The following PRR16 variants were observed in gnomAD, a reference collection of about 807,000 sequenced individuals.
PRR16 encodes proline rich 16.
PRR16 carries 6 observed loss-of-function variants against 18.2 expected under a neutral mutation model. That is an observed-to-expected ratio of 0.33 (90% CI 0.18 to 0.65). The LOEUF is 0.65. Among genes scored for constraint, PRR16 ranks in the 30% least tolerant of loss-of-function variants. The pLI is 0.74. For missense variants in PRR16, 412 were observed against 376.6 expected (o/e 1.09, Z -0.78); for synonymous variants, 151 against 147.8 (o/e 1.02, Z -0.16).
chr5:120,615,907 G>A (rs1235435118), intron 1 of PRR16, among the ~76,000 whole-genome samples: 2 of 152,072 alleles, frequency 1.3e-5, no homozygotes, highest in Non-Finnish European at 1.5e-5. Context: ...TTCATGTGTG[G>A]ATGAATGATG....
chr5:120,685,535 T>C (rs898976378), intron 1 of PRR16, among the ~76,000 whole-genome samples: 1 of 152,086 alleles, frequency 6.6e-6, no homozygotes, highest in Admixed American at 6.6e-5. Context: ...CTCAAGAAAA[T>C]TATGATTTTG....
intron 1 of PRR16, among the ~76,000 whole-genome samples, chr5:120,634,461 T>C (rs539345263): frequency 1.1e-3 from 162 of 152,154 alleles, no homozygotes; most frequent in African/African-American, 3.6e-3. Context: ...CTGGCCAACA[T>C]GGTGAAACGC....
chr5:120,639,729 T>G (rs1755358957), intron 1 of PRR16, among the ~76,000 whole-genome samples: 1 of 151,714 alleles, frequency 6.6e-6, no homozygotes, highest in East Asian at 1.9e-4. Flanking sequence ...GAAAGCAGTT[T>G]GGAGGGTTCT....
At chr5:120,712,145 A>C in the PRR16 span, among the ~76,000 whole-genome samples, 1 of 152,160 alleles carries the variant, frequency 6.6e-6, no homozygotes, top group African/African-American at 2.4e-5. Context: ...ACGTATACAT[A>C]GTGAAATGCT....
At chr5:120,535,541 TGCAATCCCA>T (rs1173077880) in intron 1 of PRR16, among the ~76,000 whole-genome samples, 1 of 152,206 alleles carries the variant, frequency 6.6e-6, no homozygotes, top group East Asian at 1.9e-4. Flanking sequence ...GGTTTATGCC[TGCAATCCCA>T]GCACTTTGGG....
At chr5:120,715,768 G>C in the PRR16 span, among the ~76,000 whole-genome samples, 1 of 152,176 alleles carries the variant, frequency 6.6e-6, no homozygotes, top group South Asian at 2.1e-4. Flanking sequence ...ACTATATTTG[G>C]AATTTGTTGC....
intron 1 of PRR16, among the ~76,000 whole-genome samples, chr5:120,672,540 A>ATG (rs5870916): frequency 0.16 from 23,874 of 147,134 alleles, 2,117 homozygotes; most frequent in Non-Finnish European, 0.21. Context: ...ATAGATATAT[A>ATG]TGTGTGTGTG....
chr5:120,764,897 A>G, the PRR16 span, among the ~76,000 whole-genome samples: 1 of 151,972 alleles, frequency 6.6e-6, no homozygotes, highest in Admixed American at 6.6e-5. Flanking sequence ...TCATACAACA[A>G]TGTAAAACCT....
the PRR16 span, among the ~76,000 whole-genome samples, chr5:120,791,468 T>G: frequency 1.3e-5 from 2 of 152,002 alleles, no homozygotes; most frequent in Non-Finnish European, 2.9e-5. Flanking sequence ...TAAGGATTTT[T>G]TCTAAGTTTT....
chr5:120,779,344 T>G, the PRR16 span, among the ~76,000 whole-genome samples: 1 of 152,172 alleles, frequency 6.6e-6, no homozygotes, highest in Non-Finnish European at 1.5e-5. Context: ...ATCATTATCA[T>G]GAATAAAATC....
the PRR16 span, among the ~76,000 whole-genome samples, chr5:120,775,323 A>C: frequency 3.9e-5 from 6 of 152,164 alleles, no homozygotes; most frequent in African/African-American, 1.2e-4. Context: ...AAATGGCATT[A>C]CTATCAGTCC....
chr5:120,708,403 C>T, the PRR16 span, among the ~76,000 whole-genome samples: 1 of 152,122 alleles, frequency 6.6e-6, no homozygotes, highest in East Asian at 1.9e-4. Flanking sequence ...TGATTAGTTG[C>T]TTTTATCCTC....
Position 120,683,553 on chromosome 5 carries a change from C to T in PRR16, c.160-2401C>T, listed in dbSNP as rs143594767. Among the ~76,000 whole-genome samples, 329 of 148,478 alleles carry T rather than the reference C, an allele frequency of 2.2e-3. 5 individuals carry two copies. Among genetic ancestry groups the T allele is most frequent in the Middle Eastern group, 0.011 (3 of 276 alleles). ...ATAAACAAACTAATTACATTAAAAA[C>T]AAAGGTTTTCTAATTGTTCCCTGTT... On this transcript the variant is annotated intron_variant, in intron 1 of 1. Coordinates refer to ENST00000407149, the MANE Select transcript of PRR16 (RefSeq NM_001300783.2).
the PRR16 span, among the ~76,000 whole-genome samples, chr5:120,760,232 A>G: frequency 2.0e-5 from 3 of 152,168 alleles, no homozygotes; most frequent in African/African-American, 7.2e-5. Flanking sequence ...AGAATGAGCC[A>G]TGTTGTAATG....
intron 1 of PRR16, among the ~76,000 whole-genome samples, chr5:120,600,104 T>C (rs529757954): frequency 1.3e-5 from 2 of 152,044 alleles, no homozygotes; most frequent in African/African-American, 2.4e-5. Context: ...TTTTCTGTTA[T>C]GATTCCATTT....
intron 1 of PRR16, among the ~76,000 whole-genome samples, chr5:120,564,587 C>T (rs1269247707): frequency 1.3e-5 from 2 of 152,148 alleles, no homozygotes; most frequent in Non-Finnish European, 2.9e-5. Context: ...CTCTCTCTTC[C>T]CCAAGTACAC....
intron 1 of PRR16, among the ~76,000 whole-genome samples, chr5:120,575,893 A>AT (rs1251594641): frequency 6.6e-6 from 1 of 152,170 alleles, no homozygotes; most frequent in Non-Finnish European, 1.5e-5. Context: ...TAGCCAATTG[A>AT]TTTTAAGCAA....
intron 1 of PRR16, among the ~76,000 whole-genome samples, chr5:120,536,015 C>A (rs1188952364): frequency 6.6e-6 from 1 of 152,108 alleles, no homozygotes; most frequent in African/African-American, 2.4e-5. Context: ...TAGACCTTTG[C>A]CGAATTTCAC....
At chr5:120,566,214 C>T (rs1048878717) in intron 1 of PRR16, among the ~76,000 whole-genome samples, 2 of 152,178 alleles carry the variant, frequency 1.3e-5, no homozygotes, top group African/African-American at 2.4e-5. Flanking sequence ...TCTCTCTCAC[C>T]CTTGTCTCTG....
Sources: gnomAD v4.1 joint callset for allele counts (sites outside exome capture counted in the v4.1 genomes callset) on GRCh38, gnomAD v4.1.1 for gene constraint, MANE v1.5 for transcripts, NCBI Gene and HGNC (gene_info 2026-07-23, HGNC 2026-07-21) for gene names.